ENTPD1: variants seen among roughly 807,000 people sequenced by gnomAD.
ENTPD1 encodes the protein ATP diphosphohydrolase.
ENTPD1 carries 33 observed loss-of-function variants against 57.0 expected under a neutral mutation model. The ratio of observed to expected loss-of-function variants is 0.58; its 90% confidence interval spans 0.44 to 0.77. The LOEUF is 0.77. Among genes scored for constraint, ENTPD1 ranks in the 30% least tolerant of loss-of-function variants. ENTPD1 has a pLI of 0.00. For synonymous variants in ENTPD1, 202 were observed against 218.8 expected (o/e 0.92, Z 0.68); for missense variants, 501 against 603.4 (o/e 0.83, Z 1.78).
Position 95,872,468 on chromosome 10 carries a change from A to C in ENTPD1, c.*6085A>C. ...TCTTCTCAACTTGGAATACTCTTGC[A>C]CCTTCAAAGCTCATTTCAAATGCCC... is the stretch of plus-strand genomic sequence containing the variant. On this transcript the variant is annotated 3_prime_UTR_variant, in exon 10 of 10. Transcript: ENST00000371205. 2 of 985,188 alleles carry C rather than the reference A, an allele frequency of 2.0e-6. No homozygotes were observed. The highest frequency in any genetic ancestry group is 1.2e-6 in the Non-Finnish European group (1 of 829,734). 61.0% of individuals were successfully genotyped at this position (985,188 alleles called of 1,614,324 possible). A position where few individuals can be genotyped will look rare whatever the true frequency, so the allele number is the denominator to read the frequency against.
chr10:95,758,565 A>G (rs781733527), intron 1 of ENTPD1, among the ~76,000 whole-genome samples: 2 of 152,154 alleles, frequency 1.3e-5, no homozygotes, highest in Non-Finnish European at 2.9e-5. Context: ...GGTGGCACTC[A>G]TCATACTTGT....
intron 1 of ENTPD1, among the ~76,000 whole-genome samples, chr10:95,728,714 T>C (rs2097986288): frequency 6.6e-6 from 1 of 152,176 alleles, no homozygotes; most frequent in African/African-American, 2.4e-5. Flanking sequence ...ACACAGTGTT[T>C]TAAGCAGATT....
At chr10:95,754,164 CT>C (rs1351628498), upstream of ENTPD1, 1 of 151,914 alleles carries the variant, frequency 6.6e-6, no homozygotes, top group East Asian at 1.9e-4. Flanking sequence ...CACAAATTAG[CT>C]GGGCAAGGTG....
intron 7 of ENTPD1, 52 bp from the exon 8 acceptor site, chr10:95,860,417 T>C (rs1350570404): frequency 8.8e-6 from 13 of 1,471,652 alleles, no homozygotes; most frequent in African/African-American, 8.4e-5. Context: ...GGAGAGCAAG[T>C]TGGCATCCCT....
intron 1 of ENTPD1, among the ~76,000 whole-genome samples, chr10:95,783,063 C>T (rs995480733): frequency 2.6e-5 from 4 of 151,740 alleles, no homozygotes; most frequent in Admixed American, 6.6e-5. Context: ...TGTATGTATC[C>T]GTTGTCTCCT....
At chr10:95,789,014 T>G (rs1037318891) in intron 1 of ENTPD1, among the ~76,000 whole-genome samples, 1 of 152,170 alleles carries the variant, frequency 6.6e-6, no homozygotes, top group Non-Finnish European at 1.5e-5. Flanking sequence ...TAACAAAAGT[T>G]ATTTTGGTTA....
intron 1 of ENTPD1, among the ~76,000 whole-genome samples, chr10:95,740,875 C>T (rs1179224508): frequency 3.3e-5 from 5 of 152,216 alleles, no homozygotes; most frequent in Non-Finnish European, 7.3e-5. Flanking sequence ...TCTCAGCCTT[C>T]ATAGAACTGA....
At position 95,876,328 on chromosome 10, in the gene ENTPD1, G is replaced by T; in HGVS notation, c.*9945G>T. 1 of 985,242 alleles carries T rather than the reference G, an allele frequency of 1.0e-6. No homozygotes were observed. The highest frequency in any genetic ancestry group is 4.7e-5 in the South Asian group (1 of 21,274). 61.0% of individuals were successfully genotyped at this position (985,242 alleles called of 1,614,324 possible). A position where few individuals can be genotyped will look rare whatever the true frequency, so the allele number is the denominator to read the frequency against. On this transcript the variant is annotated 3_prime_UTR_variant, in exon 10 of 10. Transcript: ENST00000371205. ...TTGGCCTAGTAACAATGAAAATGGG[G>T]GCAAATACAGATAAATGGTAATTCT...
intron 1 of ENTPD1, among the ~76,000 whole-genome samples, chr10:95,766,019 A>AT (rs2098087091): frequency 6.6e-6 from 1 of 151,718 alleles, no homozygotes; most frequent in Admixed American, 6.6e-5. Context: ...TGTTGTATTA[A>AT]TTTTTTTATT....
At chr10:95,855,903 T>C (rs938594655) in intron 7 of ENTPD1, among the ~76,000 whole-genome samples, 2 of 152,176 alleles carry the variant, frequency 1.3e-5, no homozygotes, top group East Asian at 1.9e-4. Flanking sequence ...GTGAATCTGA[T>C]AATTATGTGT....
chr10:95,868,017 T>C lies in ENTPD1; in HGVS notation c.*1634T>C. On this transcript the variant is annotated 3_prime_UTR_variant, in exon 10 of 10. Coordinates refer to ENST00000371205, the MANE Select transcript of ENTPD1 (RefSeq NM_001776.6). ...CAAATTCTTTCTTGTGGTAGTTGCC[T>C]ATACTGTCATCGCTGCTGTTGGTTG... is the stretch of plus-strand genomic sequence containing the variant. 3 of 985,512 alleles carry C rather than the reference T, an allele frequency of 3.0e-6. No homozygotes were observed. The highest frequency in any genetic ancestry group is 1.1e-4 in the East Asian group (1 of 8,820). The allele number at this position is 985,512 out of a possible 1,614,324, so 61.0% of individuals were successfully genotyped here.
intron 1 of ENTPD1, among the ~76,000 whole-genome samples, chr10:95,809,419 G>A (rs1024661092): frequency 6.7e-6 from 1 of 149,606 alleles, no homozygotes; most frequent in African/African-American, 2.5e-5. Context: ...CCGGGCAGAG[G>A]CGTCCCCCAC....
At chr10:95,703,430 A>G in the ENTPD1 span, among the ~76,000 whole-genome samples, 1 of 152,256 alleles carries the variant, frequency 6.6e-6, no homozygotes, top group African/African-American at 2.4e-5. Flanking sequence ...AGATGATAAA[A>G]TGTACAATTA....
At chr10:95,735,031 T>A (rs1020458562) in intron 1 of ENTPD1, among the ~76,000 whole-genome samples, 7 of 150,782 alleles carry the variant, frequency 4.6e-5, no homozygotes, top group Admixed American at 3.3e-4. Context: ...ATAGATTTTT[T>A]TTTTTTTTTT....
rs2098474751 is a variant in ENTPD1 at position 95,866,533 on chromosome 10, T to C, written c.*150T>C. 6.6e-7 allele frequency: 1 copy of C among 1,516,586 alleles called. No homozygotes were observed. The highest frequency in any genetic ancestry group is 2.5e-5 in the East Asian group (1 of 40,580). The allele number at this position is 1,516,586 out of a possible 1,614,324, so 93.9% of individuals were successfully genotyped here. A position where few individuals can be genotyped will look rare whatever the true frequency, so the allele number is the denominator to read the frequency against. On this transcript the variant is annotated 3_prime_UTR_variant, in exon 10 of 10. Coordinates refer to ENST00000371205, the MANE Select transcript of ENTPD1 (RefSeq NM_001776.6). ...CTTCCTTGGCTTTTACTGAAGCCTT[T>C]CTTTTGGAGGTATTCAATATCCTTT... is the stretch of plus-strand genomic sequence containing the variant.
intron 1 of ENTPD1, among the ~76,000 whole-genome samples, chr10:95,719,052 A>G (rs1589639873): frequency 6.6e-6 from 1 of 152,194 alleles, no homozygotes; most frequent in African/African-American, 2.4e-5. Flanking sequence ...TGCTGTTCAC[A>G]TCATGAGATG....
chr10:95,776,555 T>C (rs1240031483), intron 1 of ENTPD1, among the ~76,000 whole-genome samples: 1 of 152,216 alleles, frequency 6.6e-6, no homozygotes, highest in African/African-American at 2.4e-5. Context: ...GACCTTTCTC[T>C]CTGGTTGCCC....
chr10:95,700,231 A>G, the ENTPD1 span, among the ~76,000 whole-genome samples: 8 of 152,200 alleles, frequency 5.3e-5, no homozygotes, highest in African/African-American at 1.9e-4. Flanking sequence ...TTTTTGTTTA[A>G]AATTTTGGAA....
At chr10:95,862,573 A>G (rs1259332835) in intron 8 of ENTPD1, among the ~76,000 whole-genome samples, 5 of 152,160 alleles carry the variant, frequency 3.3e-5, no homozygotes, top group Non-Finnish European at 5.9e-5. Context: ...ACACCTGCTG[A>G]CACTCAGTCA....
Sources: gnomAD v4.1 joint callset for allele counts (sites outside exome capture counted in the v4.1 genomes callset) on GRCh38, gnomAD v4.1.1 for gene constraint, MANE v1.5 for transcripts, NCBI Gene and HGNC (gene_info 2026-07-23, HGNC 2026-07-21) for gene names.